The following MOS variants were observed in gnomAD, a reference collection of about 807,000 sequenced individuals.
The protein encoded by MOS is MOS proto-oncogene, serine/threonine kinase.
For synonymous variants in MOS, 190 were observed against 205.2 expected, an observed-to-expected ratio of 0.93 and a Z score of 0.63; for missense variants, 419 against 459.6, an observed-to-expected ratio of 0.91 and a Z score of 0.81.
Position 56,113,144 on chromosome 8 carries a change from G to A in MOS, c.839C>T (p.Ser280Leu). The A allele has an allele frequency of 1.2e-6, 2 of 1,614,054 alleles. No homozygotes were observed. The highest frequency in any genetic ancestry group is 1.1e-5 in the South Asian group (1 of 91,084). Reference protein sequence around the residue: ...WQMTTKQAPYSGERQHILYAV... With the variant: ...WQMTTKQAPYLGERQHILYAV... ...GTACAGTATGTGCTGCCGCTCCCCC[G>A]AATACGGCGCCTGCTTGGTAGTCAT... Residue 280 changes from serine to leucine, a missense_variant, in exon 1 of 1, where the codon TCG (serine) becomes TTG (leucine). Transcript: ENST00000311923. The surrounding 1 kb of genome is among the most constrained non-coding windows in gnomAD (Gnocchi z 5.7).
rs1410766947 is a variant in MOS, at chr8:56,113,010, CGCTGGG to C, written c.967_972del (p.Pro323_Ser324del). 1.3e-6 allele frequency: 2 copies of C among 1,583,548 alleles called. No individual in the cohort carries two copies. Among genetic ancestry groups the C allele is most frequent in the Non-Finnish European group, 1.7e-6 (2 of 1,166,062 alleles). On this transcript the variant is annotated inframe_deletion, in exon 1 of 1. Transcript: ENST00000311923. The surrounding 1 kb of genome is among the most constrained non-coding windows in gnomAD (Gnocchi z 5.7). ...AGCCGCGCGCTCGGCCTCTGCGCCG[CGCTGGG>C]TCTCCAGCAGCGCTGGATGACGTCC... is the stretch of plus-strand genomic sequence containing the variant.
In MOS at chr8:56,113,698, G is replaced by A; in HGVS notation, c.285C>T (p.Asn95=). The A allele has an allele frequency of 6.2e-7, 1 of 1,614,132 alleles. No individual in the cohort carries two copies. Among genetic ancestry groups the A allele is most frequent in the Non-Finnish European group, 8.5e-7 (1 of 1,180,016 alleles). ...AGAAACTCCGCCGAGATGCTAGTCG[G>A]TTCTTGGTGCACTTGTTCACTTGCT... ...AIKQVNKCTK[N]RLASRRSFWA... The change falls in exon 1 of 1, where the codon AAC becomes AAT. Residue 95 remains asparagine, a synonymous_variant. Transcript: ENST00000311923. This position sits in a 1 kb window ranked among gnomAD's most constrained non-coding sequence, Gnocchi z 5.7.
rs146964611 is a variant in MOS, at chr8:56,113,077, G to C, written c.906C>G (p.Ala302=). The C allele has an allele frequency of 1.0e-4, 164 of 1,606,516 alleles. 1 individual carries two copies. Among genetic ancestry groups the C allele is most frequent in the Middle Eastern group, 1.0e-3 (6 of 6,016 alleles). The change falls in exon 1 of 1, where the codon GCC becomes GCG. Residue 302 remains alanine (A), a synonymous_variant. Coordinates refer to ENST00000311923, the MANE Select transcript of MOS (RefSeq NM_005372.1). This position sits in a 1 kb window ranked among gnomAD's most constrained non-coding sequence, Gnocchi z 5.7. ...AYDLRPSLSA[A]VFEDSLPGQR... ...GCCCGGGGAGCGAGTCCTCGAAGAC[G>C]GCAGCGGAGAGGGACGGGCGCAGGT... is the stretch of plus-strand genomic sequence containing the variant.
chr8:56,113,213 G>C lies in MOS; in HGVS notation c.770C>G (p.Thr257Arg). Reference sequence around the variant, plus strand: ...AAAGGAATAAATGTCGGCTTTAGGCGTCACGCCCTCTCCTTTCAGGAGCTC... The same window carrying C: ...AAAGGAATAAATGTCGGCTTTAGGCCTCACGCCCTCTCCTTTCAGGAGCTC... ...APELLKGEGVTPKADIYSFAI... is the reference protein window; with the variant it reads ...APELLKGEGVRPKADIYSFAI... The change falls in exon 1 of 1, where the codon ACG becomes AGG. Residue 257 changes from threonine (T) to arginine (R), a missense_variant. By Grantham distance (71) the Thr-to-Arg change is moderately conservative. Transcript: ENST00000311923. This position sits in a 1 kb window ranked among gnomAD's most constrained non-coding sequence, Gnocchi z 5.7. 1 of 1,613,940 alleles carries C rather than the reference G, an allele frequency of 6.2e-7. No individual in the cohort carries two copies. Among genetic ancestry groups the C allele is most frequent in the South Asian group, 1.1e-5 (1 of 91,086 alleles).
rs1481527760 is a variant in MOS at position 56,113,659 on chromosome 8, G to A, written c.324C>T (p.Asn108=). 1.2e-6 allele frequency: 2 copies of A among 1,612,002 alleles called. No homozygotes were observed. The highest frequency in any genetic ancestry group is 1.7e-6 in the Non-Finnish European group (2 of 1,179,008). The change falls in exon 1 of 1, where the codon AAC becomes AAT. Residue 108 remains asparagine, a synonymous_variant. Coordinates refer to ENST00000311923, the MANE Select transcript of MOS (RefSeq NM_005372.1). The surrounding 1 kb of genome is among the most constrained non-coding windows in gnomAD (Gnocchi z 5.7). ...ASRRSFWAEL[N]VARLRHDNIV... ...TGTTATCGTGGCGCAGCCTTGCTACGTTGAGCTCAGCCCAGAAACTCCGCC... is the reference window on the plus strand; with the variant it reads ...TGTTATCGTGGCGCAGCCTTGCTACATTGAGCTCAGCCCAGAAACTCCGCC...
Position 56,113,762 on chromosome 8 carries a change from A to G in MOS, c.221T>C (p.Val74Ala), listed in dbSNP as rs747386334. ...QRLGAGGFGS[V>A]YKATYRGVPV... is the part of the protein sequence containing the mutation. Reference sequence around the variant, plus strand: ...AACACCGCGGTAAGTCGCCTTGTACACCGAGCCAAACCCTCCAGCTCCCAG... The same window carrying G: ...AACACCGCGGTAAGTCGCCTTGTACGCCGAGCCAAACCCTCCAGCTCCCAG... Residue 74 changes from valine to alanine, a missense_variant, in exon 1 of 1, where the codon GTG (valine) becomes GCG (alanine). Val to Ala is a moderately conservative substitution (Grantham distance 64, BLOSUM62 0). Coordinates refer to ENST00000311923, the MANE Select transcript of MOS (RefSeq NM_005372.1). This position sits in a 1 kb window ranked among gnomAD's most constrained non-coding sequence, Gnocchi z 5.7. 1 of 1,613,810 alleles carries G rather than the reference A, an allele frequency of 6.2e-7. No individual in the cohort carries two copies. Among genetic ancestry groups the G allele is most frequent in the Non-Finnish European group, 8.5e-7 (1 of 1,179,926 alleles).
rs1404476987 is a variant in MOS, at chr8:56,113,150, G to A, written c.833C>T (p.Pro278Leu). 6 of 1,614,062 alleles carry A rather than the reference G, an allele frequency of 3.7e-6. No individual in the cohort carries two copies. The Admixed American group carries it at 6.7e-5, about 18-fold the overall frequency. Residue 278 changes from proline to leucine, a missense_variant, in exon 1 of 1, where the codon CCG (proline) becomes CTG (leucine). Physicochemically the swap from Pro to Leu is moderately conservative, Grantham distance 98 (BLOSUM62 -3). Transcript: ENST00000311923. This position sits in a 1 kb window ranked among gnomAD's most constrained non-coding sequence, Gnocchi z 5.7. ...TATGTGCTGCCGCTCCCCCGAATAC[G>A]GCGCCTGCTTGGTAGTCATTTGCCA... The part of the protein sequence containing the change: ...TLWQMTTKQA[P>L]YSGERQHILY...
rs749358950 is a variant in MOS, at chr8:56,113,520, C to A, written c.463G>T (p.Ala155Ser). ...VTLHQVIYGA[A>S]GHPEGDAGEP... ...CCTGCGTCCCCCTCAGGGTGGCCGG[C>A]GGCGCCATAGATGACTTGGTGTAAA... The change falls in exon 1 of 1, where the codon GCC (alanine) becomes TCC (serine). Residue 155 changes from alanine (A) to serine (S), a missense_variant. Ala to Ser is a moderately conservative substitution (Grantham distance 99). Coordinates refer to ENST00000311923, the MANE Select transcript of MOS (RefSeq NM_005372.1). This position sits in a 1 kb window ranked among gnomAD's most constrained non-coding sequence, Gnocchi z 5.7. The A allele has an allele frequency of 1.2e-6, 2 of 1,613,978 alleles. No homozygotes were observed. The highest frequency in any genetic ancestry group is 1.7e-6 in the Non-Finnish European group (2 of 1,180,000).
In MOS at chr8:56,113,831, G is replaced by A; in HGVS notation, c.152C>T (p.Ala51Val). 1 of 1,610,118 alleles carries A rather than the reference G, an allele frequency of 6.2e-7. No individual in the cohort carries two copies. The highest frequency in any genetic ancestry group is 8.5e-7 in the Non-Finnish European group (1 of 1,179,176). ...PRAPRLPRRL[A>V]WCSIDWEQVC... is the part of the protein sequence containing the mutation. The stretch of plus-strand genomic sequence containing the variant: ...CTGCTCCCAGTCAATGGAGCACCAG[G>A]CCAGCCGGCGCGGCAGCCGCGGGGC... Residue 51 changes from alanine (A) to valine (V), a missense_variant, in exon 1 of 1, where the codon GCC becomes GTC. By Grantham distance (64) the Ala-to-Val change is moderately conservative. Transcript: ENST00000311923. The surrounding 1 kb of genome is among the most constrained non-coding windows in gnomAD (Gnocchi z 5.7).
In MOS at chr8:56,113,231, A is replaced by G. The variant is rs752055096; in HGVS notation, c.752T>C (p.Leu251Pro). 2.5e-6 allele frequency: 4 copies of G among 1,613,896 alleles called. No individual in the cohort carries two copies. The highest frequency in any genetic ancestry group is 2.2e-5 in the South Asian group (2 of 91,080). Residue 251 changes from leucine (L) to proline (P), a missense_variant, in exon 1 of 1, where the codon CTG (leucine) becomes CCG (proline). Coordinates refer to ENST00000311923, the MANE Select transcript of MOS (RefSeq NM_005372.1). The surrounding 1 kb of genome is among the most constrained non-coding windows in gnomAD (Gnocchi z 5.7). The stretch of plus-strand genomic sequence containing the variant: ...TTTAGGCGTCACGCCCTCTCCTTTC[A>G]GGAGCTCCGGGGCGCGGTGGGTGTA... ...GTYTHRAPEL[L>P]KGEGVTPKAD...
In MOS at chr8:56,113,161, G is replaced by T. The variant is rs777583886; in HGVS notation, c.822C>A (p.Thr274=). ...GCTCCCCCGAATACGGCGCCTGCTT[G>T]GTAGTCATTTGCCAGAGAGTGATGG... ...SFAITLWQMT[T]KQAPYSGERQ... is the part of the protein sequence containing the mutation. The change falls in exon 1 of 1, where the codon ACC becomes ACA. Residue 274 remains threonine (T), a synonymous_variant. Coordinates refer to ENST00000311923, the MANE Select transcript of MOS (RefSeq NM_005372.1). The surrounding 1 kb of genome is among the most constrained non-coding windows in gnomAD (Gnocchi z 5.7). 3.1e-6 allele frequency: 5 copies of T among 1,614,068 alleles called. No individual in the cohort carries two copies. The highest frequency in any genetic ancestry group is 4.5e-5 in the East Asian group (2 of 44,870).
At position 56,113,837 on chromosome 8, in the gene MOS, C is replaced by A; in HGVS notation, c.146G>T (p.Arg49Leu). The stretch of plus-strand genomic sequence containing the variant: ...CCAGTCAATGGAGCACCAGGCCAGC[C>A]GGCGCGGCAGCCGCGGGGCCCGAGG... The part of the protein sequence containing the change: ...TLPRAPRLPR[R>L]LAWCSIDWEQ... Residue 49 changes from arginine (R) to leucine (L), a missense_variant, in exon 1 of 1, where the codon CGG becomes CTG. By Grantham distance (102) the Arg-to-Leu change is moderately radical. Coordinates refer to ENST00000311923, the MANE Select transcript of MOS (RefSeq NM_005372.1). This position sits in a 1 kb window ranked among gnomAD's most constrained non-coding sequence, Gnocchi z 5.7. 1.2e-6 allele frequency: 2 copies of A among 1,609,936 alleles called. No individual in the cohort carries two copies. Among genetic ancestry groups the A allele is most frequent in the Non-Finnish European group, 1.7e-6 (2 of 1,179,120 alleles).
At position 56,112,989 on chromosome 8, in the gene MOS, G is replaced by T; in HGVS notation, c.994C>A (p.Arg332=). Reference sequence around the variant, plus strand: ...GAGGTGAGATCCACCAAAAGCAGCCGCGCGCTCGGCCTCTGCGCCGCGCTG... The same window carrying T: ...GAGGTGAGATCCACCAAAAGCAGCCTCGCGCTCGGCCTCTGCGCCGCGCTG... ...RPSAAQRPSA[R]LLLVDLTSLK... The change falls in exon 1 of 1, where the codon CGG becomes AGG. Residue 332 remains arginine, a synonymous_variant. Transcript: ENST00000311923. 1.3e-6 allele frequency: 2 copies of T among 1,575,202 alleles called. No homozygotes were observed. The highest frequency in any genetic ancestry group is 1.7e-6 in the Non-Finnish European group (2 of 1,162,200).
In MOS at chr8:56,113,116, C is replaced by T. The variant is rs1215138246; in HGVS notation, c.867G>A (p.Ala289=). 1.2e-6 allele frequency: 2 copies of T among 1,613,752 alleles called. No individual in the cohort carries two copies. The highest frequency in any genetic ancestry group is 1.7e-5 in the Admixed American group (1 of 59,938). ...ACGGGCGCAGGTCGTAGGCCACCAC[C>T]GCGTACAGTATGTGCTGCCGCTCCC... The part of the protein sequence containing the change: ...YSGERQHILY[A]VVAYDLRPSL... The change falls in exon 1 of 1, where the codon GCG becomes GCA. Residue 289 remains alanine (A), a synonymous_variant. Coordinates refer to ENST00000311923, the MANE Select transcript of MOS (RefSeq NM_005372.1). This position sits in a 1 kb window ranked among gnomAD's most constrained non-coding sequence, Gnocchi z 5.7.
rs146964611 is a variant in MOS at position 56,113,077 on chromosome 8, G to A, written c.906C>T (p.Ala302=). The A allele has an allele frequency of 1.2e-6, 2 of 1,606,516 alleles. No homozygotes were observed. The highest frequency in any genetic ancestry group is 1.7e-6 in the Non-Finnish European group (2 of 1,175,550). The change falls in exon 1 of 1, where the codon GCC becomes GCT. Residue 302 remains alanine, a synonymous_variant. Coordinates refer to ENST00000311923, the MANE Select transcript of MOS (RefSeq NM_005372.1). This position sits in a 1 kb window ranked among gnomAD's most constrained non-coding sequence, Gnocchi z 5.7. The part of the protein sequence containing the change: ...AYDLRPSLSA[A]VFEDSLPGQR... The stretch of plus-strand genomic sequence containing the variant: ...GCCCGGGGAGCGAGTCCTCGAAGAC[G>A]GCAGCGGAGAGGGACGGGCGCAGGT...
Position 56,113,274 on chromosome 8 carries a change from A to G in MOS, c.709T>C (p.Tyr237His). Residue 237 changes from tyrosine (Y) to histidine (H), a missense_variant, in exon 1 of 1, where the codon TAC becomes CAC. Transcript: ENST00000311923. The surrounding 1 kb of genome is among the most constrained non-coding windows in gnomAD (Gnocchi z 5.7). ...TGGGTGTATGTGCCTCCTAGAGGGT[A>G]AGAGGGTGTCTGGAAGCACAGCAGA... ...EDLLCFQTPSYPLGGTYTHRA... is the reference protein window; with the variant it reads ...EDLLCFQTPSHPLGGTYTHRA... 1 of 1,613,868 alleles carries G rather than the reference A, an allele frequency of 6.2e-7. No individual in the cohort carries two copies. The highest frequency in any genetic ancestry group is 8.5e-7 in the Non-Finnish European group (1 of 1,179,998).
In MOS at chr8:56,112,968, T is replaced by C; in HGVS notation, c.1015A>G (p.Thr339Ala). 1 of 1,565,234 alleles carries C rather than the reference T, an allele frequency of 6.4e-7. No homozygotes were observed. The highest frequency in any genetic ancestry group is 8.6e-7 in the Non-Finnish European group (1 of 1,157,938). The change falls in exon 1 of 1, where the codon ACC becomes GCC. Residue 339 changes from threonine to alanine, a missense_variant. By Grantham distance (58) the Thr-to-Ala change is moderately conservative (BLOSUM62 0). Coordinates refer to ENST00000311923, the MANE Select transcript of MOS (RefSeq NM_005372.1). Reference sequence around the variant, plus strand: ...CAGCCGAGTTCAGCTTTCAAAGAGGTGAGATCCACCAAAAGCAGCCGCGCG... The same window carrying C: ...CAGCCGAGTTCAGCTTTCAAAGAGGCGAGATCCACCAAAAGCAGCCGCGCG... ...PSARLLLVDL[T>A]SLKAELG
rs990185918 is a variant in MOS, at chr8:56,113,850, G to A, written c.133C>T (p.Arg45Trp). 2 of 1,609,022 alleles carry A rather than the reference G, an allele frequency of 1.2e-6. No homozygotes were observed. Among genetic ancestry groups the A allele is most frequent in the African/African-American group, 1.3e-5 (1 of 74,524 alleles). ...CACCAGGCCAGCCGGCGCGGCAGCCGCGGGGCCCGAGGAAGAGTGGCCCCC... is the reference window on the plus strand; with the variant it reads ...CACCAGGCCAGCCGGCGCGGCAGCCACGGGGCCCGAGGAAGAGTGGCCCCC... Reference protein sequence around the residue: ...LLGATLPRAPRLPRRLAWCSI... With the variant: ...LLGATLPRAPWLPRRLAWCSI... Residue 45 changes from arginine (R) to tryptophan (W), a missense_variant, in exon 1 of 1, where the codon CGG (arginine) becomes TGG (tryptophan). Coordinates refer to ENST00000311923, the MANE Select transcript of MOS (RefSeq NM_005372.1). This position sits in a 1 kb window ranked among gnomAD's most constrained non-coding sequence, Gnocchi z 5.7.
Position 56,113,584 on chromosome 8 carries a change from G to T in MOS, c.399C>A (p.Ser133Arg), listed in dbSNP as rs761381034. The T allele has an allele frequency of 6.2e-7, 1 of 1,613,518 alleles. No individual in the cohort carries two copies. Among genetic ancestry groups the T allele is most frequent in the Non-Finnish European group, 8.5e-7 (1 of 1,179,872 alleles). Residue 133 changes from serine to arginine, a missense_variant, in exon 1 of 1, where the codon AGC (serine) becomes AGA (arginine). Coordinates refer to ENST00000311923, the MANE Select transcript of MOS (RefSeq NM_005372.1). This position sits in a 1 kb window ranked among gnomAD's most constrained non-coding sequence, Gnocchi z 5.7. ...CGAACTCCATGATGATGGTCCCTAGGCTATTGGACCCTGCGGGCGTGCGCG... is the reference window on the plus strand; with the variant it reads ...CGAACTCCATGATGATGGTCCCTAGTCTATTGGACCCTGCGGGCGTGCGCG... ...ASTRTPAGSNSLGTIIMEFGG... is the reference protein window; with the variant it reads ...ASTRTPAGSNRLGTIIMEFGG...
Sources: gnomAD v4.1 joint callset for allele counts on GRCh38, gnomAD v4.1.1 for gene constraint, Gnocchi (gnomAD v3.1) non-coding constraint, MANE v1.5 for transcripts, NCBI Gene and HGNC (gene_info 2026-07-23, HGNC 2026-07-21) for gene names.